The following CNTN1 variants were observed in gnomAD, a reference collection of about 807,000 sequenced individuals.
The protein encoded by CNTN1 is contactin 1.
In CNTN1, 38 loss-of-function variants were observed where a neutral mutation model predicts 126.4. The observed-to-expected ratio is 0.30, with a 90% CI of 0.23 to 0.39. The LOEUF (loss-of-function observed/expected upper bound fraction) is 0.39. Among genes scored for constraint, CNTN1 ranks in the 10% least tolerant of loss-of-function variants. The pLI, the probability that CNTN1 is intolerant of heterozygous loss-of-function variation, is 1.00. For synonymous variants in CNTN1, 413 were observed against 422.6 expected (o/e 0.98, Z 0.28); for missense variants, 1,009 against 1,248.4 (o/e 0.81, Z 2.89).
intron 1 of CNTN1, among the ~76,000 whole-genome samples, chr12:40,829,357 A>G (rs1368480650): frequency 6.6e-6 from 1 of 152,074 alleles, no homozygotes; most frequent in Non-Finnish European, 1.5e-5. Flanking sequence ...AAAACATAAT[A>G]TATGCACTAT....
At chr12:40,694,948 A>G (rs1941413357) in intron 1 of CNTN1, among the ~76,000 whole-genome samples, 1 of 152,186 alleles carries the variant, frequency 6.6e-6, no homozygotes, top group Non-Finnish European at 1.5e-5. Context: ...TAATAATAAC[A>G]ATACATAGGT....
At chr12:40,728,351 A>C (rs1942410503) in intron 1 of CNTN1, among the ~76,000 whole-genome samples, 1 of 152,184 alleles carries the variant, frequency 6.6e-6, no homozygotes, top group African/African-American at 2.4e-5. Context: ...CTCATGTTGA[A>C]GATGACTGCT....
chr12:40,956,337 G>C (rs1592318961), intron 14 of CNTN1, among the ~76,000 whole-genome samples: 1 of 152,190 alleles, frequency 6.6e-6, no homozygotes, highest in East Asian at 1.9e-4. Context: ...GTCGGCCAGG[G>C]AGAACAACTT....
intron 1 of CNTN1, among the ~76,000 whole-genome samples, chr12:40,810,927 C>T (rs1473129630): frequency 1.3e-5 from 2 of 152,128 alleles, no homozygotes; most frequent in African/African-American, 4.8e-5. Flanking sequence ...CACTTGACCC[C>T]AGAAGTTTGA....
intron 1 of CNTN1, among the ~76,000 whole-genome samples, chr12:40,702,600 A>G (rs1941628651): frequency 1.3e-5 from 2 of 152,010 alleles, no homozygotes; most frequent in African/African-American, 2.4e-5. Context: ...GCCTGCCACC[A>G]TGCTCCGCTA....
chr12:40,896,463 C>T (rs2136751172), intron 1 of CNTN1, among the ~76,000 whole-genome samples: 1 of 152,268 alleles, frequency 6.6e-6, no homozygotes, highest in Non-Finnish European at 1.5e-5. Context: ...CCATGTGCAT[C>T]ACTTCTGACT....
At chr12:40,872,571 C>CTTTTTT (rs35866838) in intron 1 of CNTN1, among the ~76,000 whole-genome samples, 97 of 108,606 alleles carry the variant, frequency 8.9e-4, no homozygotes, top group Non-Finnish European at 1.0e-3. Context: ...TTTTTTCTTT[C>CTTTTTT]TTTTTTTTTT....
intron 23 of CNTN1, among the ~76,000 whole-genome samples, chr12:41,031,689 T>C (rs1841321086): frequency 2.0e-5 from 3 of 152,186 alleles, no homozygotes; most frequent in South Asian, 4.1e-4. Flanking sequence ...CATATTTTTC[T>C]CTTTTTGCCA....
chr12:40,989,650 C>A (rs1453152293), intron 16 of CNTN1, among the ~76,000 whole-genome samples: 1 of 152,086 alleles, frequency 6.6e-6, no homozygotes, highest in Admixed American at 6.6e-5. Context: ...TCTAAATAGA[C>A]ACAAACTTTA....
intron 1 of CNTN1, among the ~76,000 whole-genome samples, chr12:40,898,588 T>G (rs1477488784): frequency 6.6e-6 from 1 of 152,088 alleles, no homozygotes; most frequent in Non-Finnish European, 1.5e-5. Flanking sequence ...GCCTAAATAA[T>G]TTTGGTATGA....
At chr12:41,007,109 G>C (rs1948515856) in intron 17 of CNTN1, among the ~76,000 whole-genome samples, 1 of 134,488 alleles carries the variant, frequency 7.4e-6, no homozygotes, top group Admixed American at 8.2e-5. Flanking sequence ...GCCCAGGCTG[G>C]AGTGCAGTGG....
At chr12:40,852,553 C>T (rs1422140599) in intron 1 of CNTN1, among the ~76,000 whole-genome samples, 2 of 151,132 alleles carry the variant, frequency 1.3e-5, no homozygotes. Flanking sequence ...GTGCCATATT[C>T]TCTCAATTCT....
At chr12:40,929,129 C>T (rs770868174) in intron 6 of CNTN1, among the ~76,000 whole-genome samples, 14 of 151,852 alleles carry the variant, frequency 9.2e-5, no homozygotes, top group Non-Finnish European at 1.8e-4. Flanking sequence ...ATAGGAAATG[C>T]AGCAAATTAA....
chr12:40,754,422 T>G (rs1374234589), intron 1 of CNTN1, among the ~76,000 whole-genome samples: 1 of 152,158 alleles, frequency 6.6e-6, no homozygotes, highest in African/African-American at 2.4e-5. Flanking sequence ...TTACAATTCC[T>G]AATACAATGT....
intron 17 of CNTN1, among the ~76,000 whole-genome samples, chr12:41,010,221 G>A (rs1297490916): frequency 6.6e-6 from 1 of 152,134 alleles, no homozygotes; most frequent in Non-Finnish European, 1.5e-5. Context: ...TGGAGCTCCG[G>A]GACCCATCAA....
chr12:40,915,155 T>C (rs1391003380), intron 3 of CNTN1, among the ~76,000 whole-genome samples: 1 of 152,132 alleles, frequency 6.6e-6, no homozygotes, highest in Non-Finnish European at 1.5e-5. Context: ...AAAGAAATAC[T>C]TAAGACTACT....
At chr12:40,746,079 A>G (rs1315301221) in intron 1 of CNTN1, among the ~76,000 whole-genome samples, 2 of 152,194 alleles carry the variant, frequency 1.3e-5, no homozygotes, top group African/African-American at 4.8e-5. Flanking sequence ...TCAACTTTCC[A>G]ACAATTATTG....
chr12:41,010,971 A>T (rs995472598), intron 17 of CNTN1, among the ~76,000 whole-genome samples: 2 of 151,866 alleles, frequency 1.3e-5, no homozygotes, highest in Non-Finnish European at 2.9e-5. Flanking sequence ...CACAGGAGAC[A>T]TGTTGTTCAT....
intron 1 of CNTN1, among the ~76,000 whole-genome samples, chr12:40,841,961 A>G (rs1292478663): frequency 2.0e-5 from 3 of 152,046 alleles, no homozygotes; most frequent in African/African-American, 7.2e-5. Flanking sequence ...ACATGTAATA[A>G]AAGTATTCAT....
Sources: gnomAD v4.1 joint callset for allele counts (sites outside exome capture counted in the v4.1 genomes callset) on GRCh38, gnomAD v4.1.1 for gene constraint, MANE v1.5 for transcripts, NCBI Gene and HGNC (gene_info 2026-07-23, HGNC 2026-07-21) for gene names.